SDCCAG8: variants seen among roughly 807,000 people sequenced by gnomAD.
The protein encoded by SDCCAG8 is SHH signaling and ciliogenesis regulator SDCCAG8.
Under a neutral mutation model 101.8 loss-of-function variants are expected in SDCCAG8, and 74 were observed. The observed-to-expected ratio is 0.73, with a 90% confidence interval of 0.60 to 0.88. SDCCAG8 has a LOEUF of 0.88. Ranked by LOEUF, SDCCAG8 falls within the 40% of genes least tolerant of loss-of-function variation. The probability of loss-of-function intolerance (pLI) is 0.00; values close to 1 mark genes in which losing one functional copy is unlikely to be tolerated. For missense variants in SDCCAG8, 787 were observed against 822.6 expected (o/e 0.96, Z 0.53); for synonymous variants, 281 against 292.9 (o/e 0.96, Z 0.41).
At chr1:243,362,157 A>T (rs1351144544) in intron 12 of SDCCAG8, among the ~76,000 whole-genome samples, 1 of 151,838 alleles carries the variant, frequency 6.6e-6, no homozygotes, top group African/African-American at 2.4e-5. Context: ...CAGTAACTGG[A>T]TGGATAGGTG....
intron 2 of SDCCAG8, among the ~76,000 whole-genome samples, chr1:243,270,469 G>A (rs539812501): frequency 4.7e-4 from 72 of 152,302 alleles, no homozygotes; most frequent in African/African-American, 1.7e-3. Flanking sequence ...TAAAATAACA[G>A]TGTTTTCCTA....
intron 16 of SDCCAG8, among the ~76,000 whole-genome samples, chr1:243,448,740 T>C (rs1350511957): frequency 1.9e-5 from 1 of 52,842 alleles, no homozygotes; most frequent in Non-Finnish European, 3.8e-5. Context: ...CCAACTTGTT[T>C]AGACTGTGAC....
intron 17 of SDCCAG8, among the ~76,000 whole-genome samples, chr1:243,489,367 C>G (rs953508209): frequency 6.6e-6 from 1 of 152,200 alleles, no homozygotes; most frequent in Non-Finnish European, 1.5e-5. Flanking sequence ...CAGACCCCGG[C>G]CCGCGAATCA....
chr1:243,274,803 C>T (rs2068399511), intron 4 of SDCCAG8, 147 bp downstream of exon 4: 1 of 593,824 alleles, frequency 1.7e-6, no homozygotes, highest in Non-Finnish European at 3.1e-6. Flanking sequence ...ACTGATGTGT[C>T]ACAAGAGCTT....
At chr1:243,328,158 T>C (rs928523600) in intron 9 of SDCCAG8, among the ~76,000 whole-genome samples, 1 of 152,136 alleles carries the variant, frequency 6.6e-6, no homozygotes, top group Non-Finnish European at 1.5e-5. Context: ...TGCCTCAGCC[T>C]CCCAAAGTGC....
chr1:243,480,628 G>T (rs1663433899), intron 16 of SDCCAG8, among the ~76,000 whole-genome samples: 3 of 134,698 alleles, frequency 2.2e-5, no homozygotes, highest in African/African-American at 8.5e-5. Context: ...GGGTGGTATG[G>T]ATGGATGGGT....
At chr1:243,437,550 G>A (rs947198773) in intron 16 of SDCCAG8, among the ~76,000 whole-genome samples, 1 of 55,214 alleles carries the variant, frequency 1.8e-5, no homozygotes, top group Non-Finnish European at 3.9e-5. Context: ...TTTTTTTTTT[G>A]TATTGAAACA....
chr1:243,413,196 T>C (rs2080303906), intron 13 of SDCCAG8, among the ~76,000 whole-genome samples: 1 of 152,148 alleles, frequency 6.6e-6, no homozygotes, highest in African/African-American at 2.4e-5. Context: ...TATAGTCAAT[T>C]TATTTTTTAT....
At chr1:243,324,119 G>A (rs924455528) in intron 9 of SDCCAG8, among the ~76,000 whole-genome samples, 15 of 151,922 alleles carry the variant, frequency 9.9e-5, no homozygotes, top group African/African-American at 3.6e-4. Context: ...CCAGCCCTAC[G>A]TGTTTTGCTG....
chr1:243,311,437 A>G (rs1289139307), intron 8 of SDCCAG8, among the ~76,000 whole-genome samples: 3 of 152,236 alleles, frequency 2.0e-5, no homozygotes, highest in South Asian at 4.1e-4. Flanking sequence ...CTAAATATTT[A>G]ACAGAGATAA....
chr1:243,310,343 A>G (rs1474718559), intron 8 of SDCCAG8, among the ~76,000 whole-genome samples: 3 of 152,170 alleles, frequency 2.0e-5, no homozygotes, highest in Non-Finnish European at 4.4e-5. Flanking sequence ...CTGTGCTAGG[A>G]GATTTAAGAA....
chr1:243,466,851 G>A (rs935774192), intron 16 of SDCCAG8, among the ~76,000 whole-genome samples: 13 of 152,202 alleles, frequency 8.5e-5, no homozygotes, highest in South Asian at 2.1e-4. Context: ...CTGTTTTTGC[G>A]GTACAACCCG....
chr1:243,444,674 C>G (rs555676440), intron 16 of SDCCAG8, among the ~76,000 whole-genome samples: 3 of 152,182 alleles, frequency 2.0e-5, no homozygotes, highest in Non-Finnish European at 2.9e-5. Flanking sequence ...TGAGCCACTG[C>G]GCCTGGCCAG....
intron 10 of SDCCAG8, among the ~76,000 whole-genome samples, chr1:243,335,590 TG>T (rs1423672153): frequency 6.6e-6 from 1 of 152,132 alleles, no homozygotes; most frequent in Non-Finnish European, 1.5e-5. Flanking sequence ...TGAATAAAGG[TG>T]GTGACAGAAA....
At chr1:243,466,840 T>C (rs1425881344) in intron 16 of SDCCAG8, among the ~76,000 whole-genome samples, 2 of 152,250 alleles carry the variant, frequency 1.3e-5, no homozygotes, top group African/African-American at 4.8e-5. Flanking sequence ...TGACAATACT[T>C]CTGTTTTTGC....
At chr1:243,493,948 G>T (rs1214888238) in intron 17 of SDCCAG8, among the ~76,000 whole-genome samples, 2 of 151,916 alleles carry the variant, frequency 1.3e-5, no homozygotes, top group African/African-American at 2.4e-5. Flanking sequence ...GCCGAGGGAG[G>T]CCTGGCTGCA....
At position 243,331,110 on chromosome 1, in the gene SDCCAG8, G is replaced by A. The variant is rs148078646; in HGVS notation, c.1221+418G>A. Among the ~76,000 whole-genome samples the A allele has an allele frequency of 3.3e-3, 502 of 152,242 alleles. 3 individuals carry two copies. In the Middle Eastern group the frequency reaches 0.037, roughly 11 times the overall value. Reference sequence around the variant, plus strand: ...ATGCAGAAGATGAAACACTTGTAAGGAACTGAGTAACCAAGAAAAAGTGAT... The same window carrying A: ...ATGCAGAAGATGAAACACTTGTAAGAAACTGAGTAACCAAGAAAAAGTGAT... On this transcript the variant is annotated intron_variant, in intron 10 of 17. Coordinates refer to ENST00000366541, the MANE Select transcript of SDCCAG8 (RefSeq NM_006642.5).
intron 16 of SDCCAG8, among the ~76,000 whole-genome samples, chr1:243,482,104 C>T (rs1488403125): frequency 6.6e-6 from 1 of 152,196 alleles, no homozygotes; most frequent in African/African-American, 2.4e-5. Context: ...CACTTGCTTT[C>T]ACAGTATTCA....
chr1:243,323,803 G>T (rs1351200224), intron 9 of SDCCAG8, among the ~76,000 whole-genome samples: 2 of 152,092 alleles, frequency 1.3e-5, no homozygotes, highest in South Asian at 2.1e-4. Flanking sequence ...ATCCTCATTG[G>T]ACTTAAACTC....
Sources: allele counts gnomAD v4.1 joint callset (sites outside exome capture counted in the v4.1 genomes callset), GRCh38; gene constraint gnomAD v4.1.1; transcripts MANE v1.5; gene names NCBI Gene and HGNC (gene_info 2026-07-23, HGNC 2026-07-21).